Variants in ENOX1 observed in about 807,000 individuals in gnomAD.
ENOX1 encodes ecto-NOX disulfide-thiol exchanger 1.
In ENOX1, 42 loss-of-function variants were observed where a neutral mutation model predicts 82.5. That is an observed-to-expected ratio of 0.51 (90% CI 0.40 to 0.66). The LOEUF is 0.66. Ranked by LOEUF, ENOX1 falls within the 30% of genes least tolerant of loss-of-function variation. The pLI, the probability that ENOX1 is intolerant of heterozygous loss-of-function variation, is 0.00. For synonymous variants in ENOX1, 271 were observed against 282.2 expected, an observed-to-expected ratio of 0.96 and a Z score of 0.40; for missense variants, 608 against 811.6, an observed-to-expected ratio of 0.75 and a Z score of 3.05.
intron 5 of ENOX1, among the ~76,000 whole-genome samples, chr13:43,410,222 G>C (rs910121242): frequency 6.6e-6 from 1 of 152,180 alleles, no homozygotes; most frequent in African/African-American, 2.4e-5. Flanking sequence ...GGTGAGACGA[G>C]AGTAAGTAAC....
chr13:43,455,732 C>A (rs2057195950), intron 3 of ENOX1, among the ~76,000 whole-genome samples: 1 of 152,150 alleles, frequency 6.6e-6, no homozygotes, highest in Non-Finnish European at 1.5e-5. Flanking sequence ...ACACTTGAAT[C>A]ATGGGGGGTG....
rs1174448355 is a variant in ENOX1 at position 43,581,125 on chromosome 13, CTTTTTTT to C, written c.-219+86347_-219+86353del. Among the ~76,000 whole-genome samples, 44 of 77,100 alleles carry C rather than the reference CTTTTTTT, an allele frequency of 5.7e-4. 1 individual carries two copies. The highest frequency in any genetic ancestry group is 1.9e-3 in the African/African-American group (36 of 19,144). The allele number at this position is 77,100 out of a possible 152,430, so 50.6% of individuals were successfully genotyped here. ...TAAGTTATTTTAGCACTACCTGATT[CTTTTTTT>C]TTTTTTTTTTTTTTTTTTGAGACGG... On this transcript the variant is annotated intron_variant, in intron 2 of 16. Coordinates refer to ENST00000690772, the MANE Select transcript of ENOX1 (RefSeq NM_001347969.2).
chr13:43,644,910 G>A (rs1001140092), intron 2 of ENOX1, among the ~76,000 whole-genome samples: 18 of 152,116 alleles, frequency 1.2e-4, no homozygotes, highest in African/African-American at 4.1e-4. Context: ...AACATATCTG[G>A]GTTTTGGTTA....
intron 2 of ENOX1, among the ~76,000 whole-genome samples, chr13:43,630,896 C>T (rs957095733): frequency 6.9e-6 from 1 of 144,176 alleles, no homozygotes; most frequent in Admixed American, 7.2e-5. Context: ...CATATATATA[C>T]ACGCATACAT....
intron 3 of ENOX1, among the ~76,000 whole-genome samples, chr13:43,483,290 C>T (rs1194677460): frequency 6.6e-6 from 1 of 152,158 alleles, no homozygotes; most frequent in Non-Finnish European, 1.5e-5. Flanking sequence ...CTGAATTTAG[C>T]CTTTGGTTAG....
At chr13:43,329,140 G>T (rs546023365) in intron 9 of ENOX1, among the ~76,000 whole-genome samples, 1 of 152,338 alleles carries the variant, frequency 6.6e-6, no homozygotes, top group African/African-American at 2.4e-5. Flanking sequence ...CCTGTTCAAA[G>T]GCTGGTATAG....
chr13:43,464,704 C>T (rs1304879303), intron 3 of ENOX1, among the ~76,000 whole-genome samples: 2 of 152,198 alleles, frequency 1.3e-5, no homozygotes, highest in Admixed American at 1.3e-4. Flanking sequence ...TGGCCTGGTA[C>T]GTTTGTGACA....
rs995357605 is a variant in ENOX1 at position 43,411,965 on chromosome 13, A to G, written c.159T>C (p.Asn53=). 1 of 1,614,200 alleles carries G rather than the reference A, an allele frequency of 6.2e-7. No individual in the cohort carries two copies. ...ACCCTACGGGAACCATGCCCAGGTTATTCATGGCTGTAGCCCAGGCTGTGG... is the reference window on the plus strand; with the variant it reads ...ACCCTACGGGAACCATGCCCAGGTTGTTCATGGCTGTAGCCCAGGCTGTGG... ...TDPTAWATAM[N]NLGMVPVGLP... The change falls in exon 5 of 17, where the codon AAT becomes AAC. Residue 53 remains asparagine, a synonymous_variant. Transcript: ENST00000690772.
At chr13:43,685,503 C>A (rs892427729) in intron 1 of ENOX1, among the ~76,000 whole-genome samples, 2 of 152,134 alleles carry the variant, frequency 1.3e-5, no homozygotes, top group Admixed American at 6.6e-5. Flanking sequence ...GAGCAGTAAC[C>A]TGTTCATGGC....
At chr13:43,373,763 A>C (rs1402493720) in intron 5 of ENOX1, among the ~76,000 whole-genome samples, 1 of 152,216 alleles carries the variant, frequency 6.6e-6, no homozygotes, top group Non-Finnish European at 1.5e-5. Context: ...ATACTCCCCC[A>C]TAGCTTGTCA....
chr13:43,303,938 C>A (rs2046723955), intron 11 of ENOX1, among the ~76,000 whole-genome samples: 1 of 152,226 alleles, frequency 6.6e-6, no homozygotes, highest in Non-Finnish European at 1.5e-5. Flanking sequence ...CTCATTCTAT[C>A]CCGATTCCTA....
chr13:43,333,774 C>A (rs2048545502), intron 9 of ENOX1, among the ~76,000 whole-genome samples: 1 of 152,202 alleles, frequency 6.6e-6, no homozygotes, highest in Admixed American at 6.5e-5. Context: ...AGGTGCGCAC[C>A]ACCACACCCG....
chr13:43,448,878 A>G (rs995501972), intron 3 of ENOX1, among the ~76,000 whole-genome samples: 2 of 152,242 alleles, frequency 1.3e-5, no homozygotes, highest in Admixed American at 1.3e-4. Context: ...AACGGGTAAC[A>G]TACCTTGGAG....
intron 1 of ENOX1, among the ~76,000 whole-genome samples, chr13:43,695,603 G>A (rs557320694): frequency 1.4e-4 from 22 of 151,854 alleles, no homozygotes; most frequent in African/African-American, 5.3e-4. Flanking sequence ...ATGCACCACC[G>A]TGCCCAGCTA....
At chr13:43,469,843 T>C (rs1215375451) in intron 3 of ENOX1, among the ~76,000 whole-genome samples, 1 of 151,842 alleles carries the variant, frequency 6.6e-6, no homozygotes, top group Non-Finnish European at 1.5e-5. Context: ...AGAACAAAGA[T>C]GGAAGGCTTA....
intron 2 of ENOX1, among the ~76,000 whole-genome samples, chr13:43,523,071 T>C (rs550335203): frequency 2.0e-5 from 3 of 152,174 alleles, no homozygotes; most frequent in Admixed American, 6.5e-5. Context: ...ATGTATAAAG[T>C]TCAATAGTAA....
At chr13:43,276,979 G>A (rs2045074505) in intron 12 of ENOX1, among the ~76,000 whole-genome samples, 1 of 152,158 alleles carries the variant, frequency 6.6e-6, no homozygotes, top group Non-Finnish European at 1.5e-5. Flanking sequence ...GGGTATCCAA[G>A]CCTATGGCCA....
At chr13:43,398,663 CCT>C (rs2053302744) in intron 5 of ENOX1, among the ~76,000 whole-genome samples, 1 of 152,052 alleles carries the variant, frequency 6.6e-6, no homozygotes, top group African/African-American at 2.4e-5. Flanking sequence ...CTCTGACACC[CCT>C]GAGACAGCAA....
chr13:43,454,382 C>T (rs543917466), intron 3 of ENOX1, among the ~76,000 whole-genome samples: 19 of 151,960 alleles, frequency 1.3e-4, no homozygotes, highest in South Asian at 4.1e-4. Flanking sequence ...TCTTGTCCAG[C>T]GCAGGAAAAC....
Sources: allele counts gnomAD v4.1 joint callset (sites outside exome capture counted in the v4.1 genomes callset), GRCh38; gene constraint gnomAD v4.1.1; transcripts MANE v1.5; gene names NCBI Gene and HGNC (gene_info 2026-07-23, HGNC 2026-07-21).